Variants in SETBP1 observed in about 807,000 individuals in gnomAD.
The protein encoded by SETBP1 is SET binding protein 1, also known as SET-binding protein.
In SETBP1, 9 loss-of-function variants were observed where a neutral mutation model predicts 101.0. The observed-to-expected ratio is 0.09, with a 90% confidence interval of 0.05 to 0.16. The LOEUF is 0.16. SETBP1 is among the 10% of genes least tolerant of loss of function. SETBP1 has a pLI of 1.00. For synonymous variants in SETBP1, 818 were observed against 788.5 expected, an observed-to-expected ratio of 1.04 and a Z score of -0.63; for missense variants, 1,858 against 2,033.8, an observed-to-expected ratio of 0.91 and a Z score of 1.66.
intron 2 of SETBP1, among the ~76,000 whole-genome samples, chr18:44,832,700 A>G (rs887414080): frequency 6.6e-6 from 1 of 152,136 alleles, no homozygotes; most frequent in African/African-American, 2.4e-5. Flanking sequence ...TGGGCCCACC[A>G]GGTTCTCATT....
intron 5 of SETBP1, among the ~76,000 whole-genome samples, chr18:45,054,762 C>T (rs1288352641): frequency 1.3e-5 from 2 of 152,142 alleles, no homozygotes; most frequent in Non-Finnish European, 2.9e-5. Context: ...TGGAATGAGT[C>T]GCCACTGTCA....
chr18:44,733,530 G>A (rs1222894641), intron 2 of SETBP1, among the ~76,000 whole-genome samples: 1 of 152,102 alleles, frequency 6.6e-6, no homozygotes, highest in Non-Finnish European at 1.5e-5. Context: ...ACTCCACCAG[G>A]CCCATGCAAG....
chr18:45,042,326 T>G (rs908246584), intron 5 of SETBP1, among the ~76,000 whole-genome samples: 3 of 152,062 alleles, frequency 2.0e-5, no homozygotes, highest in African/African-American at 7.2e-5. Context: ...ATTTTTGTAT[T>G]TTTAGTAGAG....
At chr18:44,936,557 C>T (rs567944378) in intron 3 of SETBP1, among the ~76,000 whole-genome samples, 2 of 152,286 alleles carry the variant, frequency 1.3e-5, no homozygotes, top group East Asian at 1.9e-4. Flanking sequence ...TACCAGTACA[C>T]ATGTCTCGAC....
chr18:44,850,607 G>T (rs1230431556), intron 2 of SETBP1, among the ~76,000 whole-genome samples: 2 of 151,968 alleles, frequency 1.3e-5, no homozygotes, highest in Non-Finnish European at 2.9e-5. Flanking sequence ...CTAACCTCAG[G>T]TGATCTGCCT....
At chr18:44,731,837 C>T (rs929493542) in intron 2 of SETBP1, among the ~76,000 whole-genome samples, 5 of 152,196 alleles carry the variant, frequency 3.3e-5, no homozygotes, top group African/African-American at 1.2e-4. Context: ...CACGTGAAGA[C>T]AGTATGAAAT....
intron 1 of SETBP1, among the ~76,000 whole-genome samples, chr18:44,689,563 G>T (rs147826516): frequency 6.6e-6 from 1 of 152,156 alleles, no homozygotes; most frequent in African/African-American, 2.4e-5. Context: ...AGTGAAAGAT[G>T]CTCTAAGAGC....
chr18:44,950,105 G>T lies in SETBP1; in HGVS notation c.765G>T (p.Glu255Asp). 6.2e-7 allele frequency: 1 copy of T among 1,614,084 alleles called. No individual in the cohort carries two copies. The highest frequency in any genetic ancestry group is 8.5e-7 in the Non-Finnish European group (1 of 1,180,044). The change falls in exon 4 of 6, where the codon GAG (glutamate) becomes GAT (aspartate). Residue 255 changes from glutamate (E) to aspartate (D), a missense_variant. This residue lies in a region of SETBP1 where 581 missense variants were observed against 535.1 expected (regional missense o/e 1.09). Transcript: ENST00000649279. ...GCACCAGCAAGATCCCCGCTCTTGA[G>T]CCCGTGGCTTCCTTTGCAAAGGCCC... ...TASTSKIPAL[E>D]PVASFAKAQG...
At chr18:44,993,098 G>A (rs752646831) in intron 4 of SETBP1, among the ~76,000 whole-genome samples, 1 of 151,888 alleles carries the variant, frequency 6.6e-6, no homozygotes, top group Non-Finnish European at 1.5e-5. Context: ...TTCACTAACA[G>A]CCAACGTTCA....
At chr18:45,010,010 G>T (rs2072805976) in intron 4 of SETBP1, among the ~76,000 whole-genome samples, 1 of 152,166 alleles carries the variant, frequency 6.6e-6, no homozygotes, top group African/African-American at 2.4e-5. Flanking sequence ...CGCCTGGGAG[G>T]TTCTGTTACT....
intron 4 of SETBP1, among the ~76,000 whole-genome samples, chr18:44,972,018 T>C (rs909106592): frequency 1.2e-4 from 19 of 152,232 alleles, no homozygotes; most frequent in Non-Finnish European, 2.6e-4. Flanking sequence ...AGGTCTAACA[T>C]TTAAGTCTTT....
At position 44,949,913 on chromosome 18, in the gene SETBP1, C is replaced by T. The variant is rs1373513676; in HGVS notation, c.573C>T (p.Leu191=). 3.1e-6 allele frequency: 5 copies of T among 1,613,756 alleles called. No homozygotes were observed. In the African/African-American group the frequency reaches 4.0e-5, roughly 13 times the overall value. ...AGAGGCCCCAGAAACATTCAACTCT[C>T]CATTATGACACGGGCCTCCCACAGG... ...AYERPQKHST[L]HYDTGLPQDF... The change falls in exon 4 of 6, where the codon CTC becomes CTT. Residue 191 remains leucine (L), a synonymous_variant. Transcript: ENST00000649279.
chr18:44,692,623 G>A (rs1315006891), intron 1 of SETBP1, among the ~76,000 whole-genome samples: 4 of 152,152 alleles, frequency 2.6e-5, no homozygotes, highest in Non-Finnish European at 5.9e-5. Context: ...CTTGCCAAAT[G>A]CTTTGTGAGA....
intron 2 of SETBP1, among the ~76,000 whole-genome samples, chr18:44,814,622 C>A (rs1401879869): frequency 6.6e-6 from 1 of 152,136 alleles, no homozygotes; most frequent in Non-Finnish European, 1.5e-5. Context: ...CCCCACATGA[C>A]AAGGACAAGT....
At chr18:44,851,335 T>C (rs888171411) in intron 2 of SETBP1, among the ~76,000 whole-genome samples, 7 of 152,056 alleles carry the variant, frequency 4.6e-5, no homozygotes, top group South Asian at 2.1e-4. Flanking sequence ...CACAGAGAAG[T>C]GGGATATCAA....
At chr18:44,927,699 C>T (rs1315902478) in intron 3 of SETBP1, among the ~76,000 whole-genome samples, 2 of 152,262 alleles carry the variant, frequency 1.3e-5, no homozygotes, top group East Asian at 3.9e-4. Context: ...CAGTTATTGT[C>T]ACTGTGGTTA....
At chr18:44,744,608 G>T (rs919543662) in intron 2 of SETBP1, among the ~76,000 whole-genome samples, 7 of 152,124 alleles carry the variant, frequency 4.6e-5, no homozygotes, top group Non-Finnish European at 7.4e-5. Context: ...GGCGAATGTC[G>T]CGCACCCAGT....
At chr18:44,696,186 A>C (rs1256560221) in intron 1 of SETBP1, among the ~76,000 whole-genome samples, 1 of 152,232 alleles carries the variant, frequency 6.6e-6, no homozygotes, top group African/African-American at 2.4e-5. Flanking sequence ...GCTAGGTGTT[A>C]GGATTTTGTG....
chr18:44,794,839 A>G (rs1414995801), intron 2 of SETBP1, among the ~76,000 whole-genome samples: 1 of 152,112 alleles, frequency 6.6e-6, no homozygotes, highest in Non-Finnish European at 1.5e-5. Context: ...TTGGTGGCAA[A>G]ATGTGTCTTA....
Sources: gnomAD v4.1 joint callset for allele counts (sites outside exome capture counted in the v4.1 genomes callset) on GRCh38, gnomAD v4.1.1 for gene constraint, gnomAD v4.1.1 regional missense constraint, MANE v1.5 for transcripts, NCBI Gene and HGNC (gene_info 2026-07-23, HGNC 2026-07-21) for gene names.